The following MTA2 variants were observed in gnomAD, a reference collection of about 807,000 sequenced individuals.
MTA2 encodes metastasis associated 1 family member 2.
In MTA2, 22 loss-of-function variants were observed where a neutral mutation model predicts 87.1. That is an observed-to-expected ratio of 0.25 (90% CI 0.18 to 0.36). The LOEUF (loss-of-function observed/expected upper bound fraction) is 0.36, where lower values mean the gene tolerates loss of function less well. MTA2 is among the 10% of genes least tolerant of loss of function. The pLI is 1.00. For synonymous variants in MTA2, 314 were observed against 310.1 expected, an observed-to-expected ratio of 1.01 and a Z score of -0.13; for missense variants, 542 against 853.2, an observed-to-expected ratio of 0.64 and a Z score of 4.54.
chr11:62,601,444 C>T lies in MTA2; in HGVS notation c.7G>A (p.Ala3Thr), dbSNP rs1480894205. The change falls in exon 1 of 18, where the codon GCC (alanine) becomes ACC (threonine). Residue 3 changes from alanine (A) to threonine (T), a missense_variant. Around this residue, in one of 6 missense-constraint regions of MTA2, gnomAD observed 150 missense variants for 243.9 expected, o/e 0.62. Transcript: ENST00000278823. Reference protein sequence around the residue: MAANMYRVGDYVY... With the variant: MATNMYRVGDYVY... ...TCACCTCCCACCCGGTACATGTTGG[C>T]CGCCATGGCCGTTCCCGCCGCCGCC... 4 of 1,609,670 alleles carry T rather than the reference C, an allele frequency of 2.5e-6. No individual in the cohort carries two copies. The highest frequency in any genetic ancestry group is 2.2e-5 in the East Asian group (1 of 44,590).
chr11:62,597,769 C>A, intron 6 of MTA2, 57 bp from the exon 7 acceptor site: 1 of 1,415,510 alleles, frequency 7.1e-7, no homozygotes, highest in Non-Finnish European at 9.9e-7. Context: ...CAGTTGGTGT[C>A]TTTTCATTCA....
chr11:62,594,357 T>C lies in MTA2; in HGVS notation c.1743A>G (p.Ser581=), dbSNP rs772550161. Residue 581 remains serine (S), a synonymous_variant, in exon 17 of 18, where the codon TCA becomes TCG. Coordinates refer to ENST00000278823, the MANE Select transcript of MTA2 (RefSeq NM_004739.4). The stretch of plus-strand genomic sequence containing the variant: ...CTGGCTGTGAGCTTGAACGAATCCC[T>C]GAAGCCAGAGGCCTTCCATTGGCAG... ...PFSANGRPLA[S]GIRSSSQPAA... The C allele has an allele frequency of 6.2e-7, 1 of 1,614,186 alleles. No homozygotes were observed. The highest frequency in any genetic ancestry group is 1.1e-5 in the South Asian group (1 of 91,082).
Position 62,601,490 on chromosome 11 carries a change from C to A in MTA2, c.-40G>T, listed in dbSNP as rs371611790. 2.7e-3 allele frequency: 4,243 copies of A among 1,596,174 alleles called. 6 individuals are homozygous for A. The highest frequency in any genetic ancestry group is 3.4e-3 in the Non-Finnish European group (3,933 of 1,173,202). ...CCGCCTCCGGCCGCACAAAGGGGTC[C>A]GGGAGGCTCGCGGGGGCAGGGCTCG... On this transcript the variant is annotated 5_prime_UTR_variant, in exon 1 of 18. Transcript: ENST00000278823.
Position 62,595,507 on chromosome 11 carries a change from T to C in MTA2, c.1255-15A>G, listed in dbSNP as rs1194578338. 2 of 1,613,172 alleles carry C rather than the reference T, an allele frequency of 1.2e-6. No individual in the cohort carries two copies. Among genetic ancestry groups the C allele is most frequent in the Non-Finnish European group, 1.7e-6 (2 of 1,179,216 alleles). On this transcript the variant is annotated splice_polypyrimidine_tract_variant and intron_variant, in intron 13 of 17. Transcript: ENST00000278823. This position sits in a 1 kb window ranked among gnomAD's most constrained non-coding sequence, Gnocchi z 4.9. ...GAGTGTGGCTCCTAGAAGAAGAGCA[T>C]AGGAAAGAGAGAGAGCAGAAATCAG... is the stretch of plus-strand genomic sequence containing the variant.
Position 62,595,593 on chromosome 11 carries a change from C to T in MTA2, c.1255-101G>A, listed in dbSNP as rs1942087580. On this transcript the variant is annotated intron_variant, in intron 13 of 17. Transcript: ENST00000278823. This position sits in a 1 kb window ranked among gnomAD's most constrained non-coding sequence, Gnocchi z 4.9. ...GGGACAATTTATTCCTGTCTAATCT[C>T]TTTACTGACCTCTTGGCCTATGTGT... The T allele has an allele frequency of 6.6e-6, 10 of 1,514,952 alleles. No individual in the cohort carries two copies. The Admixed American group carries it at 1.8e-4, about 28-fold the overall frequency. 93.8% of individuals were successfully genotyped at this position (1,514,952 alleles called of 1,614,324 possible). A position where few individuals can be genotyped will look rare whatever the true frequency, so the allele number is the denominator to read the frequency against.
At chr11:62,600,064 C>G (rs940265540) in intron 3 of MTA2, 102 bp downstream of exon 3, 6 of 1,094,966 alleles carry the variant, frequency 5.5e-6, no homozygotes, top group African/African-American at 1.6e-5. Context: ...CCCCCAAACT[C>G]ACACCTCTGC....
intron 1 of MTA2, 125 bp downstream of exon 1, chr11:62,601,298 C>T (rs2134329543): frequency 8.0e-7 from 1 of 1,242,252 alleles, no homozygotes; most frequent in African/African-American, 1.6e-5. Context: ...GGTTCCGGTT[C>T]CGGTCCGCGC....
chr11:62,600,399 A>C (rs920155312), intron 2 of MTA2, 140 bp from the exon 3 acceptor site: 3 of 823,098 alleles, frequency 3.6e-6, no homozygotes, highest in Non-Finnish European at 5.8e-6. Context: ...ATGAGTAAAG[A>C]CTTACATTCA....
chr11:62,596,621 A>G lies in MTA2; in HGVS notation c.882+16T>C, dbSNP rs1942102209. The G allele has an allele frequency of 6.2e-7, 1 of 1,611,694 alleles. No individual in the cohort carries two copies. Among genetic ancestry groups the G allele is most frequent in the Non-Finnish European group, 8.5e-7 (1 of 1,178,562 alleles). On this transcript the variant is annotated intron_variant, in intron 9 of 17. Coordinates refer to ENST00000278823, the MANE Select transcript of MTA2 (RefSeq NM_004739.4). Reference sequence around the variant, plus strand: ...TGTCATCTCTCCCACTTCTCCTCCTAGTGCCATCCACTTACAAAATCCTGG... The same window carrying G: ...TGTCATCTCTCCCACTTCTCCTCCTGGTGCCATCCACTTACAAAATCCTGG...
intron 6 of MTA2, 85 bp from the exon 7 acceptor site, chr11:62,597,797 T>G: frequency 1.8e-6 from 2 of 1,127,564 alleles, no homozygotes; most frequent in Non-Finnish European, 1.3e-6. Flanking sequence ...ACCTCCTCCT[T>G]CTCTTCTTCT....
intron 1 of MTA2, 123 bp from the exon 2 acceptor site, chr11:62,600,812 G>A (rs1942176147): frequency 9.1e-6 from 7 of 767,574 alleles, no homozygotes; most frequent in Non-Finnish European, 1.5e-5. Context: ...AGGTAGAAAG[G>A]GCGCTGAGAT....
At chr11:62,601,312 G>A (rs1942192467) in intron 1 of MTA2, 111 bp downstream of exon 1, 12 of 1,360,194 alleles carry the variant, frequency 8.8e-6, no homozygotes, top group Non-Finnish European at 1.2e-5. Context: ...TCCGCGCTCC[G>A]GTCCACGCTG....
At chr11:62,599,504 G>T (rs924210433) in intron 3 of MTA2, among the ~76,000 whole-genome samples, 16 of 151,784 alleles carry the variant, frequency 1.1e-4, no homozygotes, top group Non-Finnish European at 8.8e-5. Flanking sequence ...ACCCAGAGCA[G>T]TCTGAAAAAG....
In MTA2 at chr11:62,598,314, A is replaced by T; in HGVS notation, c.372+13T>A. 2 of 1,613,278 alleles carry T rather than the reference A, an allele frequency of 1.2e-6. No homozygotes were observed. Among genetic ancestry groups the T allele is most frequent in the Non-Finnish European group, 1.7e-6 (2 of 1,179,510 alleles). ...CCATTCCCCTCGCTCTTCTCTCAAC[A>T]TCTCTTTCTCACCTCCTTTTCCAGG... On this transcript the variant is annotated intron_variant, in intron 5 of 17. Coordinates refer to ENST00000278823, the MANE Select transcript of MTA2 (RefSeq NM_004739.4).
chr11:62,601,292 C>A, intron 1 of MTA2, 131 bp downstream of exon 1: 1 of 1,168,260 alleles, frequency 8.6e-7, no homozygotes, highest in Non-Finnish European at 1.2e-6. Flanking sequence ...TCTCCCGGTT[C>A]CGGTTCCGGT....
At position 62,594,980 on chromosome 11, in the gene MTA2, C is replaced by T; in HGVS notation, c.1573+1G>A. 1 of 1,613,908 alleles carries T rather than the reference C, an allele frequency of 6.2e-7. No homozygotes were observed. The stretch of plus-strand genomic sequence containing the variant: ...CAACCTCACTGGTCCCCATCCCATA[C>T]CCAGATCTTTGACGATAGTTGCCAG... On this transcript the variant is annotated splice_donor_variant, in intron 15 of 17. Transcript: ENST00000278823. LOFTEE classifies it high-confidence loss of function.
At position 62,595,969 on chromosome 11, in the gene MTA2, C is replaced by A. The variant is rs558287390; in HGVS notation, c.1114+41G>T. On this transcript the variant is annotated intron_variant, in intron 12 of 17. Transcript: ENST00000278823. This position sits in a 1 kb window ranked among gnomAD's most constrained non-coding sequence, Gnocchi z 4.9. Reference sequence around the variant, plus strand: ...CTCAGATTCTTGAGCCACAGCAGGCCTTCCACCCATCCCCACCATCCCAGT... The same window carrying A: ...CTCAGATTCTTGAGCCACAGCAGGCATTCCACCCATCCCCACCATCCCAGT... 6.2e-7 allele frequency: 1 copy of A among 1,614,038 alleles called. No individual in the cohort carries two copies. The highest frequency in any genetic ancestry group is 1.7e-5 in the Admixed American group (1 of 60,028).
In MTA2 at chr11:62,596,479, G is replaced by A. The variant is rs1240168036; in HGVS notation, c.936C>T (p.Thr312=). ...SIVQFYYMWK[T]TDRYIQQKRL... Reference sequence around the variant, plus strand: ...ATACCTGCTGAATATACCGGTCTGTGGTTTTCCACATGTAATAAAACTGGA... The same window carrying A: ...ATACCTGCTGAATATACCGGTCTGTAGTTTTCCACATGTAATAAAACTGGA... The change falls in exon 10 of 18, where the codon ACC becomes ACT. Residue 312 remains threonine, a synonymous_variant. Coordinates refer to ENST00000278823, the MANE Select transcript of MTA2 (RefSeq NM_004739.4). The A allele has an allele frequency of 6.2e-7, 1 of 1,613,998 alleles. No homozygotes were observed. Among genetic ancestry groups the A allele is most frequent in the African/African-American group, 1.3e-5 (1 of 74,910 alleles).
In MTA2 at chr11:62,594,003, G is replaced by T. The variant is rs767174807; in HGVS notation, c.1879C>A (p.Arg627=). ...RKALTHLEMR[R]AARRPNLPLK... ...GGCAAGTTGGGTCGGCGAGCAGCTC[G>T]CCGCATTTCCAGATGGGTCAGAGCC... is the stretch of plus-strand genomic sequence containing the variant. The change falls in exon 18 of 18, where the codon CGA becomes AGA. Residue 627 remains arginine (R), a synonymous_variant. Transcript: ENST00000278823. The T allele has an allele frequency of 5.0e-6, 8 of 1,612,248 alleles. No individual in the cohort carries two copies. The highest frequency in any genetic ancestry group is 6.8e-6 in the Non-Finnish European group (8 of 1,179,044).
Sources: gnomAD v4.1 joint callset for allele counts (sites outside exome capture counted in the v4.1 genomes callset) on GRCh38, gnomAD v4.1.1 for gene constraint, gnomAD v4.1.1 regional missense constraint, Gnocchi (gnomAD v3.1) non-coding constraint, MANE v1.5 for transcripts, NCBI Gene and HGNC (gene_info 2026-07-23, HGNC 2026-07-21) for gene names.